Variants in KDM2B observed in about 807,000 individuals in gnomAD.
The protein encoded by KDM2B is lysine demethylase 2B.
KDM2B carries 26 observed loss-of-function variants against 150.0 expected under a neutral mutation model. The ratio of observed to expected loss-of-function variants is 0.17; its 90% CI spans 0.13 to 0.24. The LOEUF (loss-of-function observed/expected upper bound fraction) is 0.24, where lower values mean the gene tolerates loss of function less well. Among genes scored for constraint, KDM2B ranks in the 10% least tolerant of loss-of-function variants. The pLI is 1.00. For missense variants in KDM2B, 1,265 were observed against 1,816.9 expected, an observed-to-expected ratio of 0.70 and a Z score of 5.52; for synonymous variants, 734 against 729.5, an observed-to-expected ratio of 1.01 and a Z score of -0.10.
At chr12:121,419,734 TAGCCTC>T in the KDM2B span, among the ~76,000 whole-genome samples, 1 of 152,202 alleles carries the variant, frequency 6.6e-6, no homozygotes, top group African/African-American at 2.4e-5. Flanking sequence ...AAACTAGAAT[TAGCCTC>T]AGCCATCAGT....
intron 6 of KDM2B, among the ~76,000 whole-genome samples, chr12:121,547,717 A>G (rs1210337941): frequency 1.4e-5 from 2 of 138,896 alleles, no homozygotes; most frequent in African/African-American, 2.7e-5. Flanking sequence ...TGGCTCAATC[A>G]CTGCAACCTT....
intron 12 of KDM2B, among the ~76,000 whole-genome samples, chr12:121,454,060 T>C (rs1877814199): frequency 6.6e-6 from 1 of 151,000 alleles, no homozygotes; most frequent in African/African-American, 2.4e-5. Context: ...GCCCACTCAT[T>C]CCGTCTGGTC....
intron 9 of KDM2B, among the ~76,000 whole-genome samples, chr12:121,514,381 G>A (rs1885855473): frequency 6.6e-6 from 1 of 152,024 alleles, no homozygotes; most frequent in Non-Finnish European, 1.5e-5. Flanking sequence ...TTGTGTACTA[G>A]AACTGTCAAA....
At position 121,559,029 on chromosome 12, in the gene KDM2B, G is replaced by T. The variant is rs567997106; in HGVS notation, c.398-9391C>A. Among the ~76,000 whole-genome samples the T allele has an allele frequency of 2.9e-4, 44 of 152,324 alleles. 1 individual carries two copies. The highest frequency in any genetic ancestry group is 9.6e-4 in the African/African-American group (40 of 41,574). On this transcript the variant is annotated intron_variant, in intron 4 of 22. Coordinates refer to ENST00000377071, the MANE Select transcript of KDM2B (RefSeq NM_032590.5). ...TTGGGACCAGTGTTCAAGACTCCCA[G>T]TCAGGCCAGGGCCAAGCCAGGGTCC...
intron 11 of KDM2B, among the ~76,000 whole-genome samples, chr12:121,506,114 ATCCTCC>A (rs1885050769): frequency 6.6e-6 from 1 of 150,606 alleles, no homozygotes; most frequent in Admixed American, 6.6e-5. Context: ...GGCTCAAGTG[ATCCTCC>A]TGCCTCAGCC....
chr12:121,443,301 C>G, intron 17 of KDM2B: 1 of 583,836 alleles, frequency 1.7e-6, no homozygotes, highest in Non-Finnish European at 3.0e-6. Context: ...GCCGCCCATT[C>G]AAATCATCCT....
chr12:121,532,764 CAGGAGACTCG>C (rs782647578), intron 8 of KDM2B, 32 bp downstream of exon 8: 20 of 1,607,222 alleles, frequency 1.2e-5, no homozygotes, highest in Non-Finnish European at 1.7e-5. Context: ...GCTCAGGCCG[CAGGAGACTCG>C]AGGAGCCCAG....
the KDM2B span, chr12:121,420,371 T>C: frequency 1.3e-6 from 2 of 1,554,668 alleles, no homozygotes; most frequent in Non-Finnish European, 1.7e-6. Context: ...CCCTGACATG[T>C]CAGCCTGACA....
intron 4 of KDM2B, among the ~76,000 whole-genome samples, chr12:121,566,999 A>G (rs1890750447): frequency 6.6e-6 from 1 of 151,788 alleles, no homozygotes; most frequent in African/African-American, 2.4e-5. Flanking sequence ...CTCCTGCCTC[A>G]GCCTCCTGAG....
Position 121,442,079 on chromosome 12 carries a change from C to T in KDM2B, c.3284+78G>A, listed in dbSNP as rs1555288411. The T allele has an allele frequency of 8.3e-7, 1 of 1,211,556 alleles. No individual in the cohort carries two copies. The highest frequency in any genetic ancestry group is 1.2e-6 in the Non-Finnish European group (1 of 828,782). 75.1% of individuals were successfully genotyped at this position (1,211,556 alleles called of 1,614,324 possible). A position where few individuals can be genotyped will look rare whatever the true frequency, so the allele number is the denominator to read the frequency against. The stretch of plus-strand genomic sequence containing the variant: ...GGGGTTTGGAAGGAAAGAGCATCGC[C>T]AGCGACTCCACACACCACGGGCCAT... On this transcript the variant is annotated intron_variant, in intron 19 of 22. Coordinates refer to ENST00000377071, the MANE Select transcript of KDM2B (RefSeq NM_032590.5). This position sits in a 1 kb window ranked among gnomAD's most constrained non-coding sequence, Gnocchi z 7.7.
chr12:121,581,119 T>C, upstream of KDM2B: 1 of 564,252 alleles, frequency 1.8e-6, no homozygotes, highest in Non-Finnish European at 2.9e-6. Flanking sequence ...TGGACTCCTT[T>C]ACTAGGCGAC....
At chr12:121,547,129 C>T (rs1166233343) in intron 6 of KDM2B, among the ~76,000 whole-genome samples, 2 of 152,148 alleles carry the variant, frequency 1.3e-5, no homozygotes, top group African/African-American at 4.8e-5. Flanking sequence ...GGCCCCTACG[C>T]GAGGCACAGC....
intron 13 of KDM2B, 65 bp from the exon 14 acceptor site, chr12:121,445,483 A>G: frequency 6.7e-7 from 1 of 1,491,356 alleles, no homozygotes; most frequent in Non-Finnish European, 9.0e-7. Context: ...CAGGGGGGCC[A>G]GTTCAAGGGC....
chr12:121,452,736 T>A lies in KDM2B; in HGVS notation c.1959+384A>T, dbSNP rs1357403555. 6.6e-6 allele frequency among the ~76,000 whole-genome samples: 1 copy of A among 151,840 alleles called. No individual in the cohort carries two copies. Among genetic ancestry groups the A allele is most frequent in the East Asian group, 2.0e-4 (1 of 5,122 alleles). On this transcript the variant is annotated intron_variant, in intron 13 of 22. Transcript: ENST00000377071. This position sits in a 1 kb window ranked among gnomAD's most constrained non-coding sequence, Gnocchi z 4.4. ...CCTCAGTACCATAAATCACTCCTTG[T>A]TGGGGGCAGCCCCCTGAGATGGGGC...
rs1029145292 is a variant in KDM2B at position 121,575,437 on chromosome 12, C to T, written c.350+344G>A. ...TAGAGGCTGGCTAGTCTCTTTGCAG[C>T]TCAGGCTCTGCCTCAGTCTCCTGAT... On this transcript the variant is annotated intron_variant, in intron 3 of 22. Coordinates refer to ENST00000377071, the MANE Select transcript of KDM2B (RefSeq NM_032590.5). This position sits in a 1 kb window ranked among gnomAD's most constrained non-coding sequence, Gnocchi z 4.4. Among the ~76,000 whole-genome samples the T allele has an allele frequency of 5.9e-5, 9 of 152,214 alleles. No homozygotes were observed. The highest frequency in any genetic ancestry group is 3.3e-4 in the Admixed American group (5 of 15,272).
chr12:121,534,697 C>T (rs902251641), intron 6 of KDM2B, 107 bp from the exon 7 acceptor site: 53 of 757,848 alleles, frequency 7.0e-5, no homozygotes, highest in Admixed American at 1.6e-4. Flanking sequence ...TAAACGCTGA[C>T]GCTGGGGAAT....
At chr12:121,500,089 T>C (rs1884387572) in intron 11 of KDM2B, among the ~76,000 whole-genome samples, 1 of 152,256 alleles carries the variant, frequency 6.6e-6, no homozygotes, top group South Asian at 2.1e-4. Context: ...CCCTGGGCTC[T>C]GTCCCTCAGG....
chr12:121,572,319 A>G (rs1487102949), intron 4 of KDM2B, among the ~76,000 whole-genome samples: 1 of 152,198 alleles, frequency 6.6e-6, no homozygotes, highest in Non-Finnish European at 1.5e-5. Context: ...ACACACTAGA[A>G]GTCAAACCCA....
intron 6 of KDM2B, among the ~76,000 whole-genome samples, chr12:121,541,250 A>G (rs1888584323): frequency 6.6e-6 from 1 of 151,864 alleles, no homozygotes; most frequent in Admixed American, 6.6e-5. Context: ...TAAATAAATA[A>G]GCCAGGGGAT....
Sources: allele counts gnomAD v4.1 joint callset (sites outside exome capture counted in the v4.1 genomes callset), GRCh38; gene constraint gnomAD v4.1.1; non-coding constraint Gnocchi (gnomAD v3.1); transcripts MANE v1.5; gene names NCBI Gene and HGNC (gene_info 2026-07-23, HGNC 2026-07-21).